Variants in ARF1 observed in about 807,000 individuals in gnomAD.
ARF1 encodes the protein ADP-ribosylation factor 1.
A neutral mutation model predicts 18.0 loss-of-function variants in ARF1; 1 was observed. That is an observed-to-expected ratio of 0.06 (90% CI 0.02 to 0.26). The LOEUF (loss-of-function observed/expected upper bound fraction) is 0.26, where lower values mean the gene tolerates loss of function less well. ARF1 is among the 10% of genes least tolerant of loss of function. The pLI is 1.00. For synonymous variants in ARF1, 112 were observed against 96.3 expected (o/e 1.16, Z -0.95); for missense variants, 73 against 247.2 (o/e 0.30, Z 4.73).
chr1:228,098,077 G>A lies in ARF1; in HGVS notation c.*64G>A. On this transcript the variant is annotated 3_prime_UTR_variant, in exon 5 of 5. Transcript: ENST00000272102. ...TTTACTCTCATGTGGCAAACGTGCGGCTCGTGGTGTGAGTGCCAGAAGCTG... is the reference window on the plus strand; with the variant it reads ...TTTACTCTCATGTGGCAAACGTGCGACTCGTGGTGTGAGTGCCAGAAGCTG... 4 of 1,536,696 alleles carry A rather than the reference G, an allele frequency of 2.6e-6. No individual in the cohort carries two copies. The highest frequency in any genetic ancestry group is 8.8e-7 in the Non-Finnish European group (1 of 1,136,546).
In ARF1 at chr1:228,094,873, C is replaced by T. The variant is rs73092954; in HGVS notation, c.-37-2205C>T. Among the ~76,000 whole-genome samples, 958 of 152,284 alleles carry T rather than the reference C, an allele frequency of 6.3e-3. 7 individuals carry two copies. The highest frequency in any genetic ancestry group is 0.021 in the African/African-American group (862 of 41,544). The stretch of plus-strand genomic sequence containing the variant: ...GAGGTGTCATTTGCCCCTGTGCATT[C>T]TGGAGTCCACCTTGCACCTTTATTG... On this transcript the variant is annotated intron_variant, in intron 1 of 4. Transcript: ENST00000272102.
intron 1 of ARF1, among the ~76,000 whole-genome samples, chr1:228,085,371 T>G (rs2032360940): frequency 6.6e-6 from 1 of 152,246 alleles, no homozygotes; most frequent in Non-Finnish European, 1.5e-5. Flanking sequence ...AGATAGGTAG[T>G]TTCACATTCT....
At position 228,097,023 on chromosome 1, in the gene ARF1, G is replaced by C. The variant is rs997468586; in HGVS notation, c.-37-55G>C. ...GTGCATCCCTGGGTGGGTGGGTTCT[G>C]AGCAACCACTGCTGGGCAGCACAGA... On this transcript the variant is annotated intron_variant, in intron 1 of 4. Coordinates refer to ENST00000272102, the MANE Select transcript of ARF1 (RefSeq NM_001658.4). The surrounding 1 kb of genome is among the most constrained non-coding windows in gnomAD (Gnocchi z 8.1). 9 of 1,481,116 alleles carry C rather than the reference G, an allele frequency of 6.1e-6. No individual in the cohort carries two copies. The highest frequency in any genetic ancestry group is 8.1e-6 in the Non-Finnish European group (9 of 1,104,904). 91.7% of individuals were successfully genotyped at this position (1,481,116 alleles called of 1,614,324 possible).
rs73092944 is a variant in ARF1 at position 228,086,918 on chromosome 1, C to T, written c.-38+4153C>T. ...AGTGTCAGAATTGAACTGAATTAAA[C>T]GACACCTAGCTGGTGTCTGCTGCAG... On this transcript the variant is annotated intron_variant, in intron 1 of 4. Coordinates refer to ENST00000272102, the MANE Select transcript of ARF1 (RefSeq NM_001658.4). Among the ~76,000 whole-genome samples, 984 of 152,278 alleles carry T rather than the reference C, an allele frequency of 6.5e-3. 8 individuals carry two copies. The highest frequency in any genetic ancestry group is 0.021 in the African/African-American group (881 of 41,536).
intron 1 of ARF1, among the ~76,000 whole-genome samples, chr1:228,095,505 A>G (rs992618377): frequency 1.3e-5 from 2 of 152,210 alleles, no homozygotes; most frequent in Non-Finnish European, 2.9e-5. Flanking sequence ...AATTTCTAAT[A>G]AAACATTGAG....
At chr1:228,083,316 G>C (rs936718227) in intron 1 of ARF1, 9 of 152,296 alleles carry the variant, frequency 5.9e-5, no homozygotes, top group Admixed American at 5.2e-4. Flanking sequence ...TCATGTAGGT[G>C]GTGGGGGCTT....
At chr1:228,096,962 TC>T in intron 1 of ARF1, 115 bp from the exon 2 acceptor site, 1 of 953,228 alleles carries the variant, frequency 1.0e-6, no homozygotes, top group East Asian at 2.8e-5. Flanking sequence ...TTTCCCTGTT[TC>T]CCTGCAGGCT....
intron 1 of ARF1, among the ~76,000 whole-genome samples, chr1:228,085,716 T>C (rs879902623): frequency 1.3e-5 from 2 of 152,180 alleles, no homozygotes; most frequent in African/African-American, 2.4e-5. Flanking sequence ...GGCACAGCAA[T>C]TGAAAATGAT....
chr1:228,083,826 C>T (rs2032303292), intron 1 of ARF1, among the ~76,000 whole-genome samples: 1 of 152,336 alleles, frequency 6.6e-6, no homozygotes, highest in Non-Finnish European at 1.5e-5. Flanking sequence ...CCCTTTCAGT[C>T]CAGGCAGCCA....
At chr1:228,085,529 A>C (rs916493388) in intron 1 of ARF1, among the ~76,000 whole-genome samples, 1 of 152,220 alleles carries the variant, frequency 6.6e-6, no homozygotes. Context: ...GATAAGCCAT[A>C]AAGTCCTTGA....
intron 1 of ARF1, among the ~76,000 whole-genome samples, chr1:228,093,883 A>G (rs1571841222): frequency 6.8e-6 from 1 of 147,874 alleles, no homozygotes; most frequent in Admixed American, 6.9e-5. Flanking sequence ...CCGAGATCGC[A>G]CCTGAGAGGT....
Position 228,091,596 on chromosome 1 carries a change from G to C in ARF1, c.-37-5482G>C, listed in dbSNP as rs143219597. On this transcript the variant is annotated intron_variant, in intron 1 of 4. Transcript: ENST00000272102. ...GGTGCGTGGAGTGTCTCGGTCATGT[G>C]TCTTCCCCTCTGAGCATGCCTTTTG... is the stretch of plus-strand genomic sequence containing the variant. Among the ~76,000 whole-genome samples the C allele has an allele frequency of 6.0e-3, 906 of 152,254 alleles. 11 individuals carry two copies. Among genetic ancestry groups the C allele is most frequent in the African/African-American group, 0.021 (876 of 41,524 alleles).
intron 1 of ARF1, chr1:228,088,003 T>C (rs1018199475): frequency 2.6e-5 from 4 of 152,216 alleles, no homozygotes; most frequent in African/African-American, 7.2e-5. Flanking sequence ...TCTCCTCTCC[T>C]TGGTGGTGAG....
intron 1 of ARF1, chr1:228,096,503 TGGTG>T (rs1462398747): frequency 6.6e-6 from 1 of 152,396 alleles, no homozygotes; most frequent in Admixed American, 6.5e-5. Context: ...AGGGCTCTGA[TGGTG>T]GGTGCCAGCT....
In ARF1 at chr1:228,098,018, G is replaced by T. The variant is rs368278171; in HGVS notation, c.*5G>T. 1.4e-5 allele frequency: 23 copies of T among 1,608,308 alleles called. No individual in the cohort carries two copies. The highest frequency in any genetic ancestry group is 1.9e-5 in the Non-Finnish European group (22 of 1,176,038). On this transcript the variant is annotated 3_prime_UTR_variant, in exon 5 of 5. Transcript: ENST00000272102. Reference sequence around the variant, plus strand: ...CAGCTCCGGAACCAGAAGTGAACGCGACCCCCCTCCCTCTCACTCCTCTTG... The same window carrying T: ...CAGCTCCGGAACCAGAAGTGAACGCTACCCCCCTCCCTCTCACTCCTCTTG...
chr1:228,086,099 A>G (rs2032388951), intron 1 of ARF1, among the ~76,000 whole-genome samples: 7 of 152,184 alleles, frequency 4.6e-5, no homozygotes, highest in Admixed American at 4.6e-4. Context: ...CAATAATTTA[A>G]TCAATCACAC....
chr1:228,087,841 A>G (rs2032453753), intron 1 of ARF1, among the ~76,000 whole-genome samples: 3 of 152,152 alleles, frequency 2.0e-5, no homozygotes, highest in South Asian at 4.1e-4. Context: ...TGACCCACAC[A>G]TGAGTACAGT....
intron 1 of ARF1, among the ~76,000 whole-genome samples, chr1:228,092,403 G>A (rs1305423705): frequency 6.6e-6 from 1 of 152,210 alleles, no homozygotes; most frequent in African/African-American, 2.4e-5. Context: ...GGCTGTGATC[G>A]AACCACTGAA....
chr1:228,083,676 C>T (rs1415457352), intron 1 of ARF1, among the ~76,000 whole-genome samples: 1 of 152,252 alleles, frequency 6.6e-6, no homozygotes, highest in Non-Finnish European at 1.5e-5. Context: ...ACGACCTGCT[C>T]GCAGACTCTA....
Sources: gnomAD v4.1 joint callset for allele counts (sites outside exome capture counted in the v4.1 genomes callset) on GRCh38, gnomAD v4.1.1 for gene constraint, Gnocchi (gnomAD v3.1) non-coding constraint, MANE v1.5 for transcripts, NCBI Gene and HGNC (gene_info 2026-07-23, HGNC 2026-07-21) for gene names.